The following ACSM4 variants were observed in gnomAD, a reference collection of about 807,000 sequenced individuals.
The protein encoded by ACSM4 is acyl-coenzyme A synthetase ACSM4, mitochondrial.
ACSM4 carries 66 observed loss-of-function variants against 73.0 expected under a neutral mutation model. That is an observed-to-expected ratio of 0.90 (90% CI 0.74 to 1.11). The LOEUF (loss-of-function observed/expected upper bound fraction) is 1.11. ACSM4 is among the 50% of genes least tolerant of loss of function. The pLI is 0.00. For synonymous variants in ACSM4, 222 were observed against 254.0 expected, an observed-to-expected ratio of 0.87 and a Z score of 1.20; for missense variants, 645 against 714.4, an observed-to-expected ratio of 0.90 and a Z score of 1.11.
rs1007242178 is a variant in ACSM4, at chr12:7,324,407, A to G, written c.1436+7A>G. On this transcript the variant is annotated splice_region_variant and intron_variant, in intron 10 of 12. Transcript: ENST00000399422. ...ATGTCATTATATCCTCTGGGTTTGT[A>G]TATTTGCCACTCTGAAGAGGTAACA... The G allele has an allele frequency of 2.0e-5, 32 of 1,613,944 alleles. No homozygotes were observed. The highest frequency in any genetic ancestry group is 2.5e-5 in the Non-Finnish European group (29 of 1,179,988).
At chr12:7,317,046 G>C in intron 3 of ACSM4, 91 bp from the exon 4 acceptor site, 1 of 1,426,172 alleles carries the variant, frequency 7.0e-7, no homozygotes, top group Non-Finnish European at 9.4e-7. Flanking sequence ...TCTTCTGGTA[G>C]CAAGAGGGCA....
In ACSM4 at chr12:7,304,575, A is replaced by ATC. The variant is rs775523625; in HGVS notation, c.201+48_201+49dup. 20 of 1,563,402 alleles carry ATC rather than the reference A, an allele frequency of 1.3e-5. No homozygotes were observed. In the Admixed American group the frequency reaches 1.7e-4, roughly 13 times the overall value. On this transcript the variant is annotated intron_variant, in intron 1 of 12. Coordinates refer to ENST00000399422, the MANE Select transcript of ACSM4 (RefSeq NM_001080454.2). The stretch of plus-strand genomic sequence containing the variant: ...TCCAGTAGATGCTTGGTGTCCCCTT[A>ATC]TCTCTCAGTCTTCCATTTCCTTGTT...
chr12:7,318,318 A>C, intron 5 of ACSM4, 136 bp downstream of exon 5: 6 of 1,137,568 alleles, frequency 5.3e-6, no homozygotes, highest in African/African-American at 1.6e-5. Flanking sequence ...GCAAAGTCTC[A>C]AGGGCCTCAG....
At chr12:7,323,937 GA>G (rs1946484010) in intron 9 of ACSM4, among the ~76,000 whole-genome samples, 1 of 152,036 alleles carries the variant, frequency 6.6e-6, no homozygotes, top group Non-Finnish European at 1.5e-5. Context: ...AGCACTTTAG[GA>G]GGCCGAGGTG....
At chr12:7,320,894 G>T in intron 6 of ACSM4, 90 bp downstream of exon 6, 1 of 1,157,388 alleles carries the variant, frequency 8.6e-7, no homozygotes, top group Non-Finnish European at 1.3e-6. Flanking sequence ...GATAGCTCAG[G>T]CTTTCTCAGT....
chr12:7,317,085 G>A (rs981168124), intron 3 of ACSM4, 52 bp from the exon 4 acceptor site: 6 of 1,567,640 alleles, frequency 3.8e-6, no homozygotes, highest in Non-Finnish European at 5.2e-6. Flanking sequence ...AAATATCAGA[G>A]TCAAACTGGT....
At chr12:7,308,582 G>A (rs1946373334) in intron 2 of ACSM4, among the ~76,000 whole-genome samples, 1 of 152,144 alleles carries the variant, frequency 6.6e-6, no homozygotes, top group African/African-American at 2.4e-5. Flanking sequence ...TCTACCCATT[G>A]AGTACATTCA....
intron 2 of ACSM4, among the ~76,000 whole-genome samples, chr12:7,307,804 G>A (rs551893396): frequency 2.6e-4 from 39 of 152,290 alleles, no homozygotes; most frequent in Non-Finnish European, 4.9e-4. Context: ...TCATTGAGAT[G>A]GAGATACTAT....
At chr12:7,315,842 T>C (rs1200184082) in intron 3 of ACSM4, among the ~76,000 whole-genome samples, 1 of 152,126 alleles carries the variant, frequency 6.6e-6, no homozygotes, top group African/African-American at 2.4e-5. Flanking sequence ...GTATCCAAGG[T>C]GGGTTCACCT....
chr12:7,309,790 G>T lies in ACSM4; in HGVS notation c.413-749G>T, dbSNP rs148693049. 2.1e-3 allele frequency among the ~76,000 whole-genome samples: 312 copies of T among 152,024 alleles called. 1 individual carries two copies. The highest frequency in any genetic ancestry group is 7.3e-3 in the African/African-American group (302 of 41,480). The stretch of plus-strand genomic sequence containing the variant: ...TGGAGGCCACTGGTTTTTTTCTCTT[G>T]TTTGTTTGTTTGAGACAGAGTCTCA... On this transcript the variant is annotated intron_variant, in intron 2 of 12. Coordinates refer to ENST00000399422, the MANE Select transcript of ACSM4 (RefSeq NM_001080454.2).
At chr12:7,327,263 C>T (rs546853996) in intron 12 of ACSM4, among the ~76,000 whole-genome samples, 168 bp downstream of exon 12, 1 of 152,120 alleles carries the variant, frequency 6.6e-6, no homozygotes, top group African/African-American at 2.4e-5. Context: ...TATATTAGAA[C>T]GGTATAAGTG....
In ACSM4 at chr12:7,318,183, G is replaced by A. The variant is rs771967608; in HGVS notation, c.921+1G>A. 272 of 1,612,638 alleles carry A rather than the reference G, an allele frequency of 1.7e-4. No individual in the cohort carries two copies. The highest frequency in any genetic ancestry group is 2.2e-4 in the Non-Finnish European group (261 of 1,179,682). On this transcript the variant is annotated splice_donor_variant, in intron 5 of 12. Coordinates refer to ENST00000399422, the MANE Select transcript of ACSM4 (RefSeq NM_001080454.2). LOFTEE classifies it high-confidence loss of function. ...GTTTGACACTGACACCTTCCTAGAC[G>A]TAAGTCATGTCCTCCAGCTAGATAG... is the stretch of plus-strand genomic sequence containing the variant.
chr12:7,317,426 C>G (rs1310386661), intron 4 of ACSM4, 146 bp downstream of exon 4: 6 of 1,134,190 alleles, frequency 5.3e-6, no homozygotes, highest in Non-Finnish European at 7.1e-6. Flanking sequence ...TGGCCCCGCC[C>G]AACCTAGCTC....
chr12:7,325,231 C>T (rs1946495146), intron 11 of ACSM4, among the ~76,000 whole-genome samples: 1 of 152,164 alleles, frequency 6.6e-6, no homozygotes, highest in Admixed American at 6.5e-5. Context: ...GGGTAATACT[C>T]CATAGGAAAA....
intron 9 of ACSM4, among the ~76,000 whole-genome samples, chr12:7,323,836 C>T (rs1460480343): frequency 6.6e-6 from 1 of 152,106 alleles, no homozygotes; most frequent in African/African-American, 2.4e-5. Context: ...TTTTATTATA[C>T]TCTTTATGAC....
Position 7,314,768 on chromosome 12 carries a change from A to G in ACSM4, c.621-2369A>G, listed in dbSNP as rs770618254. Among the ~76,000 whole-genome samples the G allele has an allele frequency of 2.0e-5, 3 of 152,342 alleles. No individual in the cohort carries two copies. In the East Asian group the frequency reaches 5.8e-4, roughly 29 times the overall value. ...GAAATACCCCTCTGTAGCCCAACACATATCAACTTCACTGTATACATACAC... is the reference window on the plus strand; with the variant it reads ...GAAATACCCCTCTGTAGCCCAACACGTATCAACTTCACTGTATACATACAC... On this transcript the variant is annotated intron_variant, in intron 3 of 12. Transcript: ENST00000399422.
chr12:7,306,393 G>T, intron 1 of ACSM4, 140 bp from the exon 2 acceptor site: 1 of 764,170 alleles, frequency 1.3e-6, no homozygotes, highest in Non-Finnish European at 2.1e-6. Flanking sequence ...GAGAGGGGCA[G>T]TTCCCTCAAA....
chr12:7,306,547 A>G lies in ACSM4; in HGVS notation c.216A>G (p.Pro72=). The change falls in exon 2 of 13, where the codon CCA becomes CCG. Residue 72 remains proline, a synonymous_variant. Transcript: ENST00000399422. ...TCCCTGGTCAGACAGGGGAGAGACCAGCTAACCCAGCCCTGTGGTGGGTGA... is the reference window on the plus strand; with the variant it reads ...TCCCTGGTCAGACAGGGGAGAGACCGGCTAACCCAGCCCTGTGGTGGGTGA... ...WSQKEKTGER[P]ANPALWWVNG... 6.3e-7 allele frequency: 1 copy of G among 1,595,686 alleles called. No individual in the cohort carries two copies. Among genetic ancestry groups the G allele is most frequent in the Non-Finnish European group, 8.5e-7 (1 of 1,171,256 alleles).
rs867086927 is a variant in ACSM4, at chr12:7,323,503, G to T, written c.1251G>T (p.Gly417=). ...ATGTTCTACCACCTGGCAAAGAAGG[G>T]GAAATTGCCCTCAGACTCAAACCTA... is the stretch of plus-strand genomic sequence containing the variant. The part of the protein sequence containing the change: ...NGNVLPPGKE[G]EIALRLKPTR... Residue 417 remains glycine (G), a synonymous_variant, in exon 9 of 13, where the codon GGG becomes GGT. Transcript: ENST00000399422. 1.9e-6 allele frequency: 3 copies of T among 1,613,834 alleles called. No homozygotes were observed. The highest frequency in any genetic ancestry group is 2.5e-6 in the Non-Finnish European group (3 of 1,179,848).
Sources: allele counts gnomAD v4.1 joint callset (sites outside exome capture counted in the v4.1 genomes callset), GRCh38; gene constraint gnomAD v4.1.1; transcripts MANE v1.5; gene names NCBI Gene and HGNC (gene_info 2026-07-23, HGNC 2026-07-21).